Variants in PER3 observed in about 807,000 individuals in gnomAD.
PER3 encodes period circadian protein homolog 3.
A neutral mutation model predicts 127.2 loss-of-function variants in PER3; 107 were observed. The ratio of observed to expected loss-of-function variants is 0.84; its 90% CI spans 0.72 to 0.99. The LOEUF is 0.99. Among genes scored for constraint, PER3 ranks in the 50% least tolerant of loss-of-function variants. The probability of loss-of-function intolerance (pLI) is 0.00; values close to 1 mark genes in which losing one functional copy is unlikely to be tolerated. For synonymous variants in PER3, 618 were observed against 585.8 expected, an observed-to-expected ratio of 1.05 and a Z score of -0.79; for missense variants, 1,560 against 1,525.8, an observed-to-expected ratio of 1.02 and a Z score of -0.37.
intron 10 of PER3, among the ~76,000 whole-genome samples, chr1:7,806,808 A>ATATATATATATATAT (rs58879633): frequency 9.9e-5 from 6 of 60,794 alleles, no homozygotes; most frequent in South Asian, 6.2e-4. Context: ...AAAAAAAAAA[A>ATATATATATATATAT]AAAAATATAT....
intron 6 of PER3, among the ~76,000 whole-genome samples, chr1:7,794,542 T>C (rs1222160444): frequency 6.6e-6 from 1 of 152,088 alleles, no homozygotes; most frequent in African/African-American, 2.4e-5. Context: ...TCTAGAAAAA[T>C]AATTCTTAAC....
In PER3 at chr1:7,827,304, C is replaced by T. The variant is rs972688359; in HGVS notation, c.2375C>T (p.Thr792Ile). Reference sequence around the variant, plus strand: ...TCCTCTCCGCACACCTCGAGCCCGACCTTCCCACCTGCCGCCATGGTGCCC... The same window carrying T: ...TCCTCTCCGCACACCTCGAGCCCGATCTTCCCACCTGCCGCCATGGTGCCC... ...AASSPHTSSPTFPPAAMVPSQ... is the reference protein window; with the variant it reads ...AASSPHTSSPIFPPAAMVPSQ... Residue 792 changes from threonine to isoleucine, a missense_variant, in exon 18 of 22, where the codon ACC (threonine) becomes ATC (isoleucine). Thr to Ile is a moderately conservative substitution (Grantham distance 89, BLOSUM62 -1). Transcript: ENST00000377532. The T allele has an allele frequency of 6.2e-7, 1 of 1,613,788 alleles. No individual in the cohort carries two copies. Among genetic ancestry groups the T allele is most frequent in the Non-Finnish European group, 8.5e-7 (1 of 1,179,850 alleles).
intron 7 of PER3, among the ~76,000 whole-genome samples, chr1:7,799,705 C>T (rs940180417): frequency 2.0e-5 from 3 of 151,158 alleles, no homozygotes; most frequent in Admixed American, 1.3e-4. Context: ...TACCACAGGA[C>T]GGACTGAGGT....
At chr1:7,809,163 C>A (rs1174457100) in intron 11 of PER3, among the ~76,000 whole-genome samples, 165 bp downstream of exon 11, 2 of 152,096 alleles carry the variant, frequency 1.3e-5, no homozygotes, top group African/African-American at 4.8e-5. Flanking sequence ...AAATTTTATT[C>A]TTTGTTCCTT....
chr1:7,804,410 T>TTTC (rs1321125752), intron 10 of PER3, among the ~76,000 whole-genome samples: 3 of 151,332 alleles, frequency 2.0e-5, no homozygotes, highest in Admixed American at 1.3e-4. Flanking sequence ...TTTTTTTTTT[T>TTTC]TTTCTTTGAG....
intron 10 of PER3, among the ~76,000 whole-genome samples, chr1:7,806,218 C>G (rs1180792614): frequency 2.0e-5 from 3 of 152,154 alleles, no homozygotes; most frequent in Non-Finnish European, 4.4e-5. Flanking sequence ...CTGCCTGTAT[C>G]TCTCTCAGTC....
chr1:7,842,758 G>T lies in PER3; in HGVS notation c.*3G>T. 1 of 1,611,916 alleles carries T rather than the reference G, an allele frequency of 6.2e-7. No homozygotes were observed. Among genetic ancestry groups the T allele is most frequent in the South Asian group, 1.1e-5 (1 of 90,878 alleles). ...TTCTGGTAGAAGACAGCTGTTGAGT[G>T]ACTGTGAGGATGAACCTTCATACCC... On this transcript the variant is annotated 3_prime_UTR_variant, in exon 22 of 22. Transcript: ENST00000377532.
At position 7,839,485 on chromosome 1, in the gene PER3, G is replaced by A. The variant is rs564393223; in HGVS notation, c.3549+2336G>A. On this transcript the variant is annotated intron_variant, in intron 21 of 21. Transcript: ENST00000377532. ...CGTTGCAATCATAATATTTACCTTC[G>A]CTGAGATCTCTATTTCTTCACACAG... 5.8e-4 allele frequency among the ~76,000 whole-genome samples: 89 copies of A among 152,248 alleles called. No homozygotes were observed. In the South Asian group the frequency reaches 0.018, roughly 30 times the overall value.
rs200727190 is a variant in PER3 at position 7,830,098 on chromosome 1, A to G, written c.3151A>G (p.Thr1051Ala). The G allele has an allele frequency of 5.6e-6, 9 of 1,613,048 alleles. No homozygotes were observed. The East Asian group carries it at 2.0e-4, about 36-fold the overall frequency. ...CAGGACTCCATCCCATCCTACTGCC[A>G]CTGTTCTGTCCACGGGGTCACCTCC... Reference protein sequence around the residue: ...PSRTPSHPTATVLSTGSPPSE... With the variant: ...PSRTPSHPTAAVLSTGSPPSE... Residue 1051 changes from threonine to alanine, a missense_variant, in exon 19 of 22, where the codon ACT (threonine) becomes GCT (alanine). Around this residue, in one of 3 missense-constraint regions of PER3, gnomAD observed 199 missense variants for 198.6 expected, o/e 1.00. Coordinates refer to ENST00000377532, the MANE Select transcript of PER3 (RefSeq NM_001377275.1).
intron 21 of PER3, among the ~76,000 whole-genome samples, chr1:7,837,441 C>T (rs981399320): frequency 6.6e-6 from 1 of 152,150 alleles, no homozygotes; most frequent in Admixed American, 6.5e-5. Flanking sequence ...AGAGTAAAAA[C>T]ACCTGCTTTG....
Position 7,797,646 on chromosome 1 carries a change from A to G in PER3, c.645-879A>G, listed in dbSNP as rs139163035. Among the ~76,000 whole-genome samples, 119 of 151,810 alleles carry G rather than the reference A, an allele frequency of 7.8e-4. 1 individual carries two copies. The East Asian group carries it at 8.8e-3, about 11-fold the overall frequency. On this transcript the variant is annotated intron_variant, in intron 6 of 21. Coordinates refer to ENST00000377532, the MANE Select transcript of PER3 (RefSeq NM_001377275.1). ...GCGAGACTCCGTCTTTAAAAAAAAA[A>G]AAAAAAGAAAAAAAAGTGAGGTGGA...
rs202098731 is a variant in PER3, at chr1:7,835,842, G to C, written c.3295G>C (p.Val1099Leu). The C allele has an allele frequency of 1.2e-6, 2 of 1,611,184 alleles. No homozygotes were observed. Among genetic ancestry groups the C allele is most frequent in the Non-Finnish European group, 1.7e-6 (2 of 1,177,416 alleles). ...ISQNGQQSQD[V>L]QKKETFPNVA... ...CCAAAATGGGCAGCAATCTCAGGAC[G>C]TACAGAAAAAAGAAACATTTCCTAA... The change falls in exon 20 of 22, where the codon GTA becomes CTA. Residue 1099 changes from valine to leucine, a missense_variant. Val to Leu is a conservative substitution (Grantham distance 32, BLOSUM62 1). Transcript: ENST00000377532.
At chr1:7,815,066 T>C (rs1315101388) in intron 13 of PER3, among the ~76,000 whole-genome samples, 1 of 152,126 alleles carries the variant, frequency 6.6e-6, no homozygotes, top group Non-Finnish European at 1.5e-5. Context: ...GGTGAGAGGA[T>C]CACTTGAGCC....
chr1:7,792,631 CT>C (rs1356575192), intron 5 of PER3, among the ~76,000 whole-genome samples: 1 of 152,186 alleles, frequency 6.6e-6, no homozygotes, highest in Non-Finnish European at 1.5e-5. Flanking sequence ...GCGTTACCCC[CT>C]TCGATTCCTT....
chr1:7,827,400 C>A lies in PER3; in HGVS notation c.2471C>A (p.Ala824Asp). ...AATSPGREYA[A>D]PGTAPEGLHG... is the part of the protein sequence containing the mutation. ...ACCTCACCCGGAAGAGAATACGCAG[C>A]CCCCGGAACTGCACCGGAAGGCCTG... The change falls in exon 18 of 22, where the codon GCC (alanine) becomes GAC (aspartate). Residue 824 changes from alanine (A) to aspartate (D), a missense_variant. This residue lies in a region of PER3 where 1,332 missense variants were observed against 1,223.6 expected (regional missense o/e 1.09). Transcript: ENST00000377532. The A allele has an allele frequency of 6.2e-7, 1 of 1,614,018 alleles. No individual in the cohort carries two copies. The highest frequency in any genetic ancestry group is 8.5e-7 in the Non-Finnish European group (1 of 1,180,006).
At chr1:7,798,869 C>T (rs1165895783) in intron 7 of PER3, among the ~76,000 whole-genome samples, 196 bp downstream of exon 7, 2 of 152,312 alleles carry the variant, frequency 1.3e-5, no homozygotes, top group East Asian at 3.9e-4. Context: ...TCATTGTCTT[C>T]ATGGTCAGCA....
chr1:7,798,502 A>G (rs765405250), intron 6 of PER3, 23 bp from the exon 7 acceptor site: 2 of 1,606,606 alleles, frequency 1.2e-6, no homozygotes, highest in African/African-American at 1.3e-5. Flanking sequence ...CAGGACCAGC[A>G]CTAATATCTT....
At chr1:7,815,829 C>CAA (rs558631995) in intron 13 of PER3, among the ~76,000 whole-genome samples, 23 of 131,314 alleles carry the variant, frequency 1.8e-4, no homozygotes, top group African/African-American at 5.3e-4. Context: ...ACTAAAAATA[C>CAA]AAAAAAAAAA....
chr1:7,803,782 G>T lies in PER3; in HGVS notation c.1070G>T (p.Trp357Leu), dbSNP rs1354637366. The T allele has an allele frequency of 6.2e-7, 1 of 1,613,180 alleles. No individual in the cohort carries two copies. The highest frequency in any genetic ancestry group is 8.5e-7 in the Non-Finnish European group (1 of 1,179,308). Residue 357 changes from tryptophan to leucine, a missense_variant, in exon 10 of 22, where the codon TGG (tryptophan) becomes TTG (leucine). Physicochemically the swap from Trp to Leu is moderately conservative, Grantham distance 61. This residue lies in a region of PER3 where 1,332 missense variants were observed against 1,223.6 expected (regional missense o/e 1.09). Coordinates refer to ENST00000377532, the MANE Select transcript of PER3 (RefSeq NM_001377275.1). ...NGDYIILDSS[W>L]SSFVNPWSRK... Reference sequence around the variant, plus strand: ...GACTACATCATACTGGATTCCAGTTGGTCCAGCTTTGTGAATCCCTGGAGC... The same window carrying T: ...GACTACATCATACTGGATTCCAGTTTGTCCAGCTTTGTGAATCCCTGGAGC...
Sources: allele counts gnomAD v4.1 joint callset (sites outside exome capture counted in the v4.1 genomes callset), GRCh38; gene constraint gnomAD v4.1.1; regional missense constraint gnomAD v4.1.1; transcripts MANE v1.5; gene names NCBI Gene and HGNC (gene_info 2026-07-23, HGNC 2026-07-21).